The following KHDRBS2 variants were observed in gnomAD, a reference collection of about 807,000 sequenced individuals.
KHDRBS2 encodes the protein KH domain-containing, RNA-binding, signal transduction-associated protein 2.
KHDRBS2 carries 26 observed loss-of-function variants against 44.3 expected under a neutral mutation model. The observed-to-expected ratio is 0.59, with a 90% confidence interval of 0.43 to 0.81. KHDRBS2 has a LOEUF of 0.81. KHDRBS2 is among the 40% of genes least tolerant of loss of function. The probability of loss-of-function intolerance (pLI) is 0.00; values close to 1 mark genes in which losing one functional copy is unlikely to be tolerated. For synonymous variants in KHDRBS2, 194 were observed against 151.1 expected (o/e 1.28, Z -2.08); for missense variants, 476 against 433.1 (o/e 1.10, Z -0.88).
chr6:61,727,440 T>TA (rs1773753459), intron 7 of KHDRBS2, among the ~76,000 whole-genome samples: 1 of 152,150 alleles, frequency 6.6e-6, no homozygotes, highest in Non-Finnish European at 1.5e-5. Flanking sequence ...GGAATCTAAC[T>TA]AAAGAGCTTC....
chr6:61,720,407 G>A (rs1268627567), intron 7 of KHDRBS2, among the ~76,000 whole-genome samples: 4 of 152,018 alleles, frequency 2.6e-5, no homozygotes, highest in African/African-American at 4.8e-5. Context: ...GTGTAAAAGT[G>A]TTCCTATTTC....
At chr6:61,707,768 G>A (rs943179383) in intron 7 of KHDRBS2, among the ~76,000 whole-genome samples, 4 of 151,504 alleles carry the variant, frequency 2.6e-5, no homozygotes, top group African/African-American at 9.7e-5. Flanking sequence ...TAATTTCAAG[G>A]GATGAGAAAT....
intron 3 of KHDRBS2, among the ~76,000 whole-genome samples, chr6:62,025,496 A>G (rs1250309857): frequency 2.0e-5 from 3 of 151,906 alleles, no homozygotes; most frequent in Non-Finnish European, 2.9e-5. Context: ...AAAAAAGTGT[A>G]TCTCTATTTC....
chr6:62,059,393 G>A lies in KHDRBS2; in HGVS notation c.220-11399C>T, dbSNP rs1346046736. Among the ~76,000 whole-genome samples the A allele has an allele frequency of 2.0e-5, 3 of 150,826 alleles. No individual in the cohort carries two copies. In the South Asian group the frequency reaches 6.2e-4, roughly 31 times the overall value. ...GCCCATGAGAAGTTGTTTGGTGTAAGCTCGATAAATGATAATGGGAACATG... is the reference window on the plus strand; with the variant it reads ...GCCCATGAGAAGTTGTTTGGTGTAAACTCGATAAATGATAATGGGAACATG... On this transcript the variant is annotated intron_variant, in intron 2 of 8. Coordinates refer to ENST00000281156, the MANE Select transcript of KHDRBS2 (RefSeq NM_152688.4).
chr6:61,795,099 A>T (rs1452681391), intron 6 of KHDRBS2, among the ~76,000 whole-genome samples: 15 of 135,044 alleles, frequency 1.1e-4, no homozygotes. Context: ...AGATCGTGCC[A>T]CTGCACTCCA....
chr6:61,758,208 T>C (rs2127571529), intron 6 of KHDRBS2, among the ~76,000 whole-genome samples: 1 of 152,262 alleles, frequency 6.6e-6, no homozygotes, highest in East Asian at 1.9e-4. Context: ...TCTTATTTGT[T>C]TCCTGTCTCT....
At chr6:61,740,391 G>C (rs1775972462) in intron 6 of KHDRBS2, among the ~76,000 whole-genome samples, 1 of 151,780 alleles carries the variant, frequency 6.6e-6, no homozygotes, top group Admixed American at 6.6e-5. Flanking sequence ...GAAAGGGTCA[G>C]GTCTGAATTG....
intron 3 of KHDRBS2, among the ~76,000 whole-genome samples, chr6:62,041,036 T>C (rs1402740235): frequency 2.0e-5 from 3 of 152,078 alleles, no homozygotes; most frequent in African/African-American, 7.2e-5. Flanking sequence ...GTACTTTTAC[T>C]ATAATATTTT....
chr6:61,564,421 C>A, the KHDRBS2 span, among the ~76,000 whole-genome samples: 43 of 152,084 alleles, frequency 2.8e-4, no homozygotes, highest in African/African-American at 8.4e-4. Context: ...GTGGGGCCAG[C>A]TTTACATGGC....
intron 1 of KHDRBS2, among the ~76,000 whole-genome samples, chr6:62,213,706 C>G (rs148038296): frequency 6.6e-6 from 1 of 151,476 alleles, no homozygotes; most frequent in Non-Finnish European, 1.5e-5. Context: ...AACCCCGTCT[C>G]TACTAAAAAT....
At chr6:62,226,146 TC>T in intron 1 of KHDRBS2, among the ~76,000 whole-genome samples, 1 of 152,316 alleles carries the variant, frequency 6.6e-6, no homozygotes, top group South Asian at 2.1e-4. Context: ...TAATTTACAT[TC>T]CCATCAATAG....
intron 2 of KHDRBS2, among the ~76,000 whole-genome samples, chr6:62,141,329 A>C (rs1056167753): frequency 1.3e-5 from 2 of 152,184 alleles, no homozygotes; most frequent in Non-Finnish European, 2.9e-5. Context: ...ATGTAGAGAA[A>C]GTGATATAGA....
At chr6:61,746,419 G>C (rs531077168) in intron 6 of KHDRBS2, among the ~76,000 whole-genome samples, 11 of 152,080 alleles carry the variant, frequency 7.2e-5, no homozygotes, top group African/African-American at 2.7e-4. Context: ...TTGGTTTTCT[G>C]TTCCTATGTT....
chr6:61,801,380 T>C (rs904039688), intron 6 of KHDRBS2, among the ~76,000 whole-genome samples: 1 of 152,062 alleles, frequency 6.6e-6, no homozygotes, highest in African/African-American at 2.4e-5. Flanking sequence ...AAAAGAAAAG[T>C]AGTATGAGTT....
At chr6:62,164,157 T>C (rs1256206937) in intron 2 of KHDRBS2, among the ~76,000 whole-genome samples, 1 of 151,922 alleles carries the variant, frequency 6.6e-6, no homozygotes, top group Non-Finnish European at 1.5e-5. Context: ...GCTTAAATTA[T>C]AATAAGGAAC....
intron 2 of KHDRBS2, among the ~76,000 whole-genome samples, chr6:62,130,951 CA>C (rs1158143919): frequency 6.6e-5 from 10 of 151,932 alleles, no homozygotes; most frequent in East Asian, 1.9e-4. Flanking sequence ...AATTATAAGT[CA>C]AACCATTGCA....
At chr6:61,602,942 C>G in the KHDRBS2 span, among the ~76,000 whole-genome samples, 3 of 152,126 alleles carry the variant, frequency 2.0e-5, no homozygotes, top group African/African-American at 4.8e-5. Flanking sequence ...CACCTTTCCC[C>G]CCAGTTCAAA....
intron 5 of KHDRBS2, among the ~76,000 whole-genome samples, chr6:61,899,423 C>CT (rs762846091): frequency 2.6e-5 from 4 of 151,754 alleles, no homozygotes; most frequent in Non-Finnish European, 5.9e-5. Context: ...ATTTTTAATG[C>CT]TAATTTTCTT....
chr6:61,687,257 T>C (rs574389821), intron 8 of KHDRBS2, among the ~76,000 whole-genome samples: 2 of 151,902 alleles, frequency 1.3e-5, no homozygotes, highest in African/African-American at 4.8e-5. Context: ...GAAAATTCAA[T>C]CAGCTTCTGG....
Sources: allele counts gnomAD v4.1 joint callset (sites outside exome capture counted in the v4.1 genomes callset), GRCh38; gene constraint gnomAD v4.1.1; transcripts MANE v1.5; gene names NCBI Gene and HGNC (gene_info 2026-07-23, HGNC 2026-07-21).